The following SLC15A1 variants were observed in gnomAD, a reference collection of about 807,000 sequenced individuals.
The protein encoded by SLC15A1 is Caco-2 oligopeptide transporter.
A neutral mutation model predicts 92.9 loss-of-function variants in SLC15A1; 83 were observed. That is an observed-to-expected ratio of 0.89 (90% CI 0.75 to 1.07). SLC15A1 has a LOEUF of 1.07. Among genes scored for constraint, SLC15A1 ranks in the 50% least tolerant of loss-of-function variants. SLC15A1 has a pLI of 0.00. For synonymous variants in SLC15A1, 322 were observed against 318.2 expected (o/e 1.01, Z -0.13); for missense variants, 857 against 880.1 (o/e 0.97, Z 0.33).
rs568591719 is a variant in SLC15A1 at position 98,709,467 on chromosome 13, A to G, written c.1067+105T>C. 1.4e-5 allele frequency: 11 copies of G among 794,936 alleles called. No homozygotes were observed. The East Asian group carries it at 2.1e-4, about 15-fold the overall frequency. The allele number at this position is 794,936 out of a possible 1,614,324, so 49.2% of individuals were successfully genotyped here. A position where few individuals can be genotyped will look rare whatever the true frequency, so the allele number is the denominator to read the frequency against. ...TGTTTTCTTCATTCTTCAAAACCCT[A>G]TCCTCTAGGCGAGGTTGCGGGAAGG... On this transcript the variant is annotated intron_variant, in intron 14 of 22. Coordinates refer to ENST00000376503, the MANE Select transcript of SLC15A1 (RefSeq NM_005073.4).
chr13:98,734,263 C>T (rs1247196252), intron 1 of SLC15A1, among the ~76,000 whole-genome samples: 1 of 152,220 alleles, frequency 6.6e-6, no homozygotes, highest in Non-Finnish European at 1.5e-5. Context: ...CTGCACCCAG[C>T]CTTAGATCTG....
chr13:98,734,450 C>T (rs370197075), intron 1 of SLC15A1, among the ~76,000 whole-genome samples: 5 of 152,048 alleles, frequency 3.3e-5, no homozygotes, highest in Admixed American at 2.0e-4. Flanking sequence ...GGTGCAGCCA[C>T]GGAGGGCAAG....
chr13:98,734,387 C>A (rs2139603205), intron 1 of SLC15A1, among the ~76,000 whole-genome samples: 1 of 152,332 alleles, frequency 6.6e-6, no homozygotes, highest in South Asian at 2.1e-4. Flanking sequence ...CTGATTTCTG[C>A]ATTTCCAACT....
At chr13:98,721,095 G>T in intron 7 of SLC15A1, 1 of 478,740 alleles carries the variant, frequency 2.1e-6, no homozygotes, top group Non-Finnish European at 4.3e-6. Flanking sequence ...ATTTTGCCCA[G>T]TAAACTCTTC....
intron 1 of SLC15A1, among the ~76,000 whole-genome samples, chr13:98,736,429 G>A (rs1461890905): frequency 2.0e-5 from 3 of 152,128 alleles, no homozygotes; most frequent in Non-Finnish European, 4.4e-5. Context: ...ACATAGGCAT[G>A]GGCAAGAACT....
At chr13:98,686,091 G>T in intron 22 of SLC15A1, 99 bp downstream of exon 22, 1 of 859,088 alleles carries the variant, frequency 1.2e-6, no homozygotes, top group Non-Finnish European at 1.9e-6. Flanking sequence ...TATTAGCCTA[G>T]ATGACCACAC....
chr13:98,698,705 G>A (rs1048016400), intron 18 of SLC15A1, among the ~76,000 whole-genome samples: 2 of 152,156 alleles, frequency 1.3e-5, no homozygotes, highest in Non-Finnish European at 2.9e-5. Context: ...CCAAAGTGCT[G>A]GGATTACAGG....
chr13:98,746,568 T>C (rs1014197115), intron 1 of SLC15A1, among the ~76,000 whole-genome samples: 3 of 152,220 alleles, frequency 2.0e-5, no homozygotes, highest in African/African-American at 4.8e-5. Flanking sequence ...ATCTCAAATG[T>C]ATAAACATCT....
intron 20 of SLC15A1, 31 bp from the exon 21 acceptor site, chr13:98,687,755 T>C (rs1555321486): frequency 3.1e-6 from 5 of 1,604,438 alleles, no homozygotes; most frequent in Non-Finnish European, 4.3e-6. Flanking sequence ...CAGAAGAAGT[T>C]GAGATAGCTT....
In SLC15A1 at chr13:98,701,134, C is replaced by A. The variant is rs9517411; in HGVS notation, c.1466+1346G>T. On this transcript the variant is annotated intron_variant, in intron 18 of 22. Transcript: ENST00000376503. ...AGGTCAGCTTGGGGAAAAATGACAT[C>A]TTTACTATATTAAATCTTCTGATCA... 1.7e-3 allele frequency among the ~76,000 whole-genome samples: 260 copies of A among 152,268 alleles called. 1 individual carries two copies. Among genetic ancestry groups the A allele is most frequent in the South Asian group, 0.015 (74 of 4,830 alleles).
intron 1 of SLC15A1, 113 bp downstream of exon 1, chr13:98,752,482 G>T (rs1392741852): frequency 3.9e-6 from 4 of 1,036,884 alleles, no homozygotes; most frequent in Non-Finnish European, 5.0e-6. Flanking sequence ...CCTTCGGGTC[G>T]CCCCGCTTCC....
At position 98,687,700 on chromosome 13, in the gene SLC15A1, C is replaced by T; in HGVS notation, c.1708G>A (p.Val570Met). ...GTGTTGGCTGAAATATCTTCAAACACCTTCACTTCAGGGCAGCTGTCATTC... is the reference window on the plus strand; with the variant it reads ...GTGTTGGCTGAAATATCTTCAAACATCTTCACTTCAGGGCAGCTGTCATTC... ...RKNDSCPEVK[V>M]FEDISANTVN... Residue 570 changes from valine (V) to methionine (M), a missense_variant, in exon 21 of 23, where the codon GTG (valine) becomes ATG (methionine). Val to Met is a conservative substitution (Grantham distance 21, BLOSUM62 1). Coordinates refer to ENST00000376503, the MANE Select transcript of SLC15A1 (RefSeq NM_005073.4). 1 of 1,613,966 alleles carries T rather than the reference C, an allele frequency of 6.2e-7. No individual in the cohort carries two copies.
chr13:98,730,114 T>G (rs2088335402), intron 1 of SLC15A1, among the ~76,000 whole-genome samples: 1 of 150,960 alleles, frequency 6.6e-6, no homozygotes, highest in Admixed American at 6.6e-5. Flanking sequence ...AAGAATCGCT[T>G]GAGCTTGGGA....
chr13:98,721,614 C>A (rs758783625), intron 6 of SLC15A1, 29 bp from the exon 7 acceptor site: 1 of 1,510,352 alleles, frequency 6.6e-7, no homozygotes. Context: ...AGTAAGATGA[C>A]TTTGGCTATC....
At chr13:98,702,336 T>G (rs556891667) in intron 18 of SLC15A1, 144 bp downstream of exon 18, 60 of 673,680 alleles carry the variant, frequency 8.9e-5, no homozygotes, top group African/African-American at 3.7e-4. Context: ...TTGATTTTTT[T>G]GGGGAATATT....
At chr13:98,686,553 G>GGAGGAGCTGATCCTATTT (rs2087931098) in intron 21 of SLC15A1, among the ~76,000 whole-genome samples, 1 of 152,140 alleles carries the variant, frequency 6.6e-6, no homozygotes, top group African/African-American at 2.4e-5. Context: ...ACACATCTAC[G>GGAGGAGCTGATCCTATTT]GAGGAGCTGA....
chr13:98,695,020 C>CA (rs1170231960), intron 18 of SLC15A1, among the ~76,000 whole-genome samples: 10,442 of 73,584 alleles, frequency 0.14, 1,323 homozygotes, highest in East Asian at 0.25. Flanking sequence ...GACTCCGTCT[C>CA]AAAAAAAAAA....
intron 1 of SLC15A1, among the ~76,000 whole-genome samples, chr13:98,741,689 A>G (rs1197931598): frequency 7.5e-6 from 1 of 133,670 alleles, no homozygotes; most frequent in Non-Finnish European, 1.5e-5. Flanking sequence ...ATACTACCGC[A>G]CTCCAGCCTG....
chr13:98,721,717 G>C, intron 6 of SLC15A1, 87 bp downstream of exon 6: 1 of 1,366,572 alleles, frequency 7.3e-7, no homozygotes, highest in Non-Finnish European at 1.0e-6. Flanking sequence ...AAAAGAATCC[G>C]ATGTAGAACA....
Sources: gnomAD v4.1 joint callset for allele counts (sites outside exome capture counted in the v4.1 genomes callset) on GRCh38, gnomAD v4.1.1 for gene constraint, MANE v1.5 for transcripts, NCBI Gene and HGNC (gene_info 2026-07-23, HGNC 2026-07-21) for gene names.